MME: variants seen among roughly 807,000 people sequenced by gnomAD.
MME encodes membrane metalloendopeptidase, also known as neprilysin.
In MME, 98 loss-of-function variants were observed where a neutral mutation model predicts 113.2. The ratio of observed to expected loss-of-function variants is 0.87; its 90% CI spans 0.74 to 1.02. MME has a LOEUF of 1.02. Ranked by LOEUF, MME falls within the 50% of genes least tolerant of loss-of-function variation. The probability of loss-of-function intolerance (pLI) is 0.00; values close to 1 mark genes in which losing one functional copy is unlikely to be tolerated. For synonymous variants in MME, 292 were observed against 300.6 expected (o/e 0.97, Z 0.30); for missense variants, 836 against 896.0 (o/e 0.93, Z 0.86).
At chr3:155,083,667 T>C (rs6794748) in intron 1 of MME, 19,306 of 164,906 alleles carry the variant, frequency 0.12, 1,576 homozygotes, top group African/African-American at 0.24. Context: ...TTTATCTATA[T>C]TAATATTTCA....
upstream of MME, among the ~76,000 whole-genome samples, chr3:155,078,045 T>TACACACACACACACAC (rs34585642): frequency 2.7e-4 from 38 of 139,842 alleles, no homozygotes; most frequent in African/African-American, 9.6e-4. Context: ...AAAGTAAAAG[T>TACACACACACACACAC]ACACACACAC....
intron 22 of MME, among the ~76,000 whole-genome samples, chr3:155,179,873 A>C (rs953535604): frequency 6.6e-6 from 1 of 152,178 alleles, no homozygotes; most frequent in Non-Finnish European, 1.5e-5. Context: ...AGCAACAAAA[A>C]ATATCTATTT....
chr3:155,143,509 A>G lies in MME; in HGVS notation c.1255A>G (p.Met419Val), dbSNP rs34931605. ...RRCANYVNGNMENAVGRLYVE... is the reference protein window; with the variant it reads ...RRCANYVNGNVENAVGRLYVE... ...TTGTGCAAACTATGTCAATGGGAAT[A>G]TGGAAAATGCTGTGGGGAGGCTTTA... The change falls in exon 13 of 23, where the codon ATG (methionine) becomes GTG (valine). Residue 419 changes from methionine to valine, a missense_variant. Coordinates refer to ENST00000360490, the MANE Select transcript of MME (RefSeq NM_007289.4). 43 of 1,612,916 alleles carry G rather than the reference A, an allele frequency of 2.7e-5. 1 individual carries two copies. Among genetic ancestry groups the G allele is most frequent in the South Asian group, 7.7e-5 (7 of 91,080 alleles).
intron 3 of MME, among the ~76,000 whole-genome samples, chr3:155,113,205 C>T (rs1177906379): frequency 1.3e-5 from 2 of 152,126 alleles, no homozygotes; most frequent in African/African-American, 4.8e-5. Flanking sequence ...ACAGAGTTTG[C>T]ATAAACCACC....
At chr3:155,078,019 A>G (rs941940661), upstream of MME, among the ~76,000 whole-genome samples, 11 of 151,492 alleles carry the variant, frequency 7.3e-5, no homozygotes, top group African/African-American at 2.7e-4. Context: ...AGCCTGGCCA[A>G]TATGGAGAAA....
Position 155,116,657 on chromosome 3 carries a change from C to T in MME, c.440-7C>T, listed in dbSNP as rs746639601. 6.2e-7 allele frequency: 1 copy of T among 1,608,076 alleles called. No homozygotes were observed. Among genetic ancestry groups the T allele is most frequent in the Non-Finnish European group, 8.5e-7 (1 of 1,177,016 alleles). ...CTAATTGAATTTATGTTTGTTGTTT[C>T]CAAAAGCTGCTATTGATAGCAGAGG... On this transcript the variant is annotated splice_region_variant and splice_polypyrimidine_tract_variant and intron_variant, in intron 5 of 22. Transcript: ENST00000360490.
chr3:155,179,000 A>G (rs1008953430), intron 22 of MME, among the ~76,000 whole-genome samples: 1 of 152,172 alleles, frequency 6.6e-6, no homozygotes. Context: ...AGAACAAATC[A>G]TTGTAAATGT....
chr3:155,079,182 A>C (rs1714896459), upstream of MME, among the ~76,000 whole-genome samples: 1 of 152,056 alleles, frequency 6.6e-6, no homozygotes, highest in Non-Finnish European at 1.5e-5. Flanking sequence ...GAAAGAAGGA[A>C]ACGGGGAGGG....
chr3:155,087,043 C>T (rs1194211272), intron 3 of MME, among the ~76,000 whole-genome samples: 1 of 147,728 alleles, frequency 6.8e-6, no homozygotes, highest in African/African-American at 2.5e-5. Flanking sequence ...CACTATGTTG[C>T]CCAAGCTTGG....
upstream of MME, among the ~76,000 whole-genome samples, chr3:155,078,532 T>C (rs1050184331): frequency 1.3e-5 from 2 of 152,106 alleles, no homozygotes; most frequent in African/African-American, 4.8e-5. Flanking sequence ...ATGAAAAAGA[T>C]GGAAAATTTT....
intron 1 of MME, among the ~76,000 whole-genome samples, chr3:155,047,386 G>A (rs73874473): frequency 0.13 from 19,103 of 152,126 alleles, 1,828 homozygotes; most frequent in African/African-American, 0.27. Context: ...GTAGTAAGCT[G>A]TATCATCTAG....
chr3:155,131,921 C>T (rs920080482), intron 8 of MME, among the ~76,000 whole-genome samples: 37 of 152,322 alleles, frequency 2.4e-4, no homozygotes, highest in African/African-American at 8.9e-4. Context: ...TAGTCTCCCT[C>T]TGTGTTCCCC....
At chr3:155,040,182 T>C (rs1280323202) in intron 1 of MME, among the ~76,000 whole-genome samples, 2 of 152,198 alleles carry the variant, frequency 1.3e-5, no homozygotes, top group Non-Finnish European at 2.9e-5. Context: ...GCAAGATTTC[T>C]CACCTTTAGC....
chr3:155,075,581 C>CT (rs1343411390), upstream of MME, among the ~76,000 whole-genome samples: 6 of 151,780 alleles, frequency 4.0e-5, no homozygotes, highest in Admixed American at 2.0e-4. Flanking sequence ...CTATTTTTAT[C>CT]TTTTTTGTGG....
chr3:155,079,732 G>A (rs940457469), upstream of MME: 1 of 152,316 alleles, frequency 6.6e-6, no homozygotes, highest in African/African-American at 2.4e-5. Context: ...CCAACTCCTG[G>A]CGCGGGATCT....
chr3:155,174,157 C>A (rs945301472), intron 22 of MME, among the ~76,000 whole-genome samples: 6 of 152,016 alleles, frequency 3.9e-5, no homozygotes, highest in African/African-American at 1.4e-4. Context: ...AACTGATCAG[C>A]AGTTAAGTAA....
intron 8 of MME, among the ~76,000 whole-genome samples, chr3:155,126,915 G>A (rs1719712439): frequency 6.6e-6 from 1 of 151,180 alleles, no homozygotes; most frequent in Non-Finnish European, 1.5e-5. Context: ...GCTGAGGCAG[G>A]AGAATCGCTT....
chr3:155,156,769 G>A (rs1722333261), intron 16 of MME, among the ~76,000 whole-genome samples: 1 of 152,088 alleles, frequency 6.6e-6, no homozygotes, highest in Non-Finnish European at 1.5e-5. Flanking sequence ...GTATTGCACT[G>A]CTGATTTCAA....
upstream of MME, chr3:155,079,955 CGGGAT>C (rs1714968759): frequency 1.3e-5 from 2 of 152,472 alleles, no homozygotes. Flanking sequence ...GCTCATTGGT[CGGGAT>C]GTGTCGGCTC....
Sources: allele counts gnomAD v4.1 joint callset (sites outside exome capture counted in the v4.1 genomes callset), GRCh38; gene constraint gnomAD v4.1.1; transcripts MANE v1.5; gene names NCBI Gene and HGNC (gene_info 2026-07-23, HGNC 2026-07-21).